The following MYO16 variants were observed in gnomAD, a reference collection of about 807,000 sequenced individuals.
The protein encoded by MYO16 is unconventional myosin-XVI.
In MYO16, 94 loss-of-function variants were observed where a neutral mutation model predicts 205.3. That is an observed-to-expected ratio of 0.46 (90% CI 0.39 to 0.54). MYO16 has a LOEUF of 0.54. Among genes scored for constraint, MYO16 ranks in the 20% least tolerant of loss-of-function variants. MYO16 has a pLI of 0.00. For synonymous variants in MYO16, 988 were observed against 954.0 expected, an observed-to-expected ratio of 1.04 and a Z score of -0.66; for missense variants, 2,315 against 2,387.5, an observed-to-expected ratio of 0.97 and a Z score of 0.63.
At chr13:108,944,637 A>G (rs1204086704) in intron 16 of MYO16, among the ~76,000 whole-genome samples, 1 of 152,192 alleles carries the variant, frequency 6.6e-6, no homozygotes, top group Non-Finnish European at 1.5e-5. Context: ...AATTGGGTGG[A>G]AAGATAGTAT....
At chr13:108,522,451 C>T in the MYO16 span, among the ~76,000 whole-genome samples, 1 of 152,132 alleles carries the variant, frequency 6.6e-6, no homozygotes, top group African/African-American at 2.4e-5. Flanking sequence ...TCTCACTTTT[C>T]ATGAGTGTAT....
upstream of MYO16, among the ~76,000 whole-genome samples, chr13:108,594,041 G>A (rs1878472406): frequency 6.6e-6 from 1 of 152,136 alleles, no homozygotes; most frequent in African/African-American, 2.4e-5. Flanking sequence ...TATGAACACA[G>A]ACAAACGTGA....
intron 1 of MYO16, among the ~76,000 whole-genome samples, chr13:108,622,596 G>C (rs28408320): frequency 0.029 from 4,376 of 150,750 alleles, 169 homozygotes; most frequent in African/African-American, 0.087. Context: ...GGAGTGTGAA[G>C]TATGGAGAGA....
At chr13:109,154,752 T>C (rs751063034) in intron 32 of MYO16, among the ~76,000 whole-genome samples, 8 of 151,904 alleles carry the variant, frequency 5.3e-5, no homozygotes, top group Non-Finnish European at 8.8e-5. Flanking sequence ...CCACACATCG[T>C]GGCTCAGGAC....
upstream of MYO16, among the ~76,000 whole-genome samples, chr13:108,626,755 A>G (rs1879752269): frequency 6.6e-6 from 1 of 151,856 alleles, no homozygotes; most frequent in Non-Finnish European, 1.5e-5. Flanking sequence ...CAGTGAGCCA[A>G]GATCGCGCCA....
chr13:108,900,716 C>T lies in MYO16; in HGVS notation c.1777+2583C>T, dbSNP rs9555529. The stretch of plus-strand genomic sequence containing the variant: ...CCCTGTGATGGTTGCGTTAACTGTA[C>T]GAATTGTTTGTAGAGCATGTGTGTT... On this transcript the variant is annotated intron_variant, in intron 15 of 34. Transcript: ENST00000457511. 2.6e-5 allele frequency among the ~76,000 whole-genome samples: 4 copies of T among 151,948 alleles called. 1 individual carries two copies. In the South Asian group the frequency reaches 6.2e-4, roughly 24 times the overall value.
rs1881710017 is a variant in MYO16, at chr13:108,666,017, T to C, written c.160T>C (p.Tyr54His). 1 of 1,614,096 alleles carries C rather than the reference T, an allele frequency of 6.2e-7. No homozygotes were observed. Among genetic ancestry groups the C allele is most frequent in the Non-Finnish European group, 8.5e-7 (1 of 1,179,984 alleles). The change falls in exon 2 of 35, where the codon TAT (tyrosine) becomes CAT (histidine). Residue 54 changes from tyrosine to histidine, a missense_variant. Tyr to His is a moderately conservative substitution (Grantham distance 83, BLOSUM62 2). Around this residue, in one of 3 missense-constraint regions of MYO16, gnomAD observed 1,213 missense variants for 1,274.4 expected, o/e 0.95. Coordinates refer to ENST00000457511, the MANE Select transcript of MYO16 (RefSeq NM_001198950.3). ...GCGCTGTGAGCAAATCAAAGCCTAC[T>C]ATGAGCGCGAGAAGGCTTTTCAGAA... ...RMRCEQIKAY[Y>H]EREKAFQKQE...
rs559203893 is a variant in MYO16 at position 108,869,474 on chromosome 13, C to T, written c.1425+3232C>T. Reference sequence around the variant, plus strand: ...GCGCGGTGGCTCACTCCTGTAATCCCAGCACTTTGGGAGGCCGAGGCGGGC... The same window carrying T: ...GCGCGGTGGCTCACTCCTGTAATCCTAGCACTTTGGGAGGCCGAGGCGGGC... On this transcript the variant is annotated intron_variant, in intron 12 of 34. Coordinates refer to ENST00000457511, the MANE Select transcript of MYO16 (RefSeq NM_001198950.3). Among the ~76,000 whole-genome samples the T allele has an allele frequency of 7.9e-5, 12 of 151,714 alleles. 1 individual carries two copies. Among genetic ancestry groups the T allele is most frequent in the African/African-American group, 2.7e-4 (11 of 41,334 alleles).
chr13:108,756,812 A>G (rs1885436498), intron 4 of MYO16, among the ~76,000 whole-genome samples: 1 of 152,308 alleles, frequency 6.6e-6, no homozygotes, highest in Admixed American at 6.5e-5. Context: ...ATGTTTTACC[A>G]ACTCTCTTGG....
In MYO16 at chr13:108,636,665, A is replaced by G. The variant is rs531713965; in HGVS notation, c.28+6793A>G. Reference sequence around the variant, plus strand: ...AGTGCTGGGATTACAGGCGTGAGCCACTGTGCCTGGCCCCAAGTTGTTTTT... The same window carrying G: ...AGTGCTGGGATTACAGGCGTGAGCCGCTGTGCCTGGCCCCAAGTTGTTTTT... On this transcript the variant is annotated intron_variant, in intron 1 of 34. Transcript: ENST00000457511. 5.3e-5 allele frequency among the ~76,000 whole-genome samples: 8 copies of G among 152,284 alleles called. No homozygotes were observed. In the East Asian group the frequency reaches 1.5e-3, roughly 29 times the overall value.
At chr13:108,823,759 G>T (rs1390826146) in intron 9 of MYO16, among the ~76,000 whole-genome samples, 1 of 151,464 alleles carries the variant, frequency 6.6e-6, no homozygotes, top group Non-Finnish European at 1.5e-5. Flanking sequence ...GGGACACAAA[G>T]TGTGATTAAT....
the MYO16 span, among the ~76,000 whole-genome samples, chr13:108,575,827 A>G: frequency 4.6e-5 from 7 of 152,134 alleles, no homozygotes; most frequent in Non-Finnish European, 1.0e-4. Context: ...TGGCAAGGCT[A>G]ATAATACCTT....
intron 2 of MYO16, among the ~76,000 whole-genome samples, chr13:108,696,652 T>C (rs1017282197): frequency 3.3e-5 from 5 of 152,206 alleles, no homozygotes; most frequent in African/African-American, 1.2e-4. Flanking sequence ...TATCTTGAGC[T>C]GAATGATAGT....
chr13:109,129,338 C>A (rs1311133282), intron 31 of MYO16, among the ~76,000 whole-genome samples: 1 of 151,970 alleles, frequency 6.6e-6, no homozygotes, highest in East Asian at 1.9e-4. Flanking sequence ...ATAAGGACAA[C>A]AAGAAAATCT....
chr13:108,536,875 T>C, the MYO16 span, among the ~76,000 whole-genome samples: 2 of 152,176 alleles, frequency 1.3e-5, no homozygotes, highest in African/African-American at 2.4e-5. Context: ...CGGAACAGGA[T>C]ACCAAATAAA....
At chr13:109,156,844 C>G (rs1170435723) in intron 32 of MYO16, among the ~76,000 whole-genome samples, 2 of 152,216 alleles carry the variant, frequency 1.3e-5, no homozygotes, top group Non-Finnish European at 2.9e-5. Flanking sequence ...CTCCTGCTAC[C>G]TCCTCACACT....
intron 4 of MYO16, among the ~76,000 whole-genome samples, chr13:108,732,619 T>A (rs1337132149): frequency 2.0e-5 from 3 of 152,042 alleles, no homozygotes; most frequent in Non-Finnish European, 4.4e-5. Context: ...CATGGTGAGG[T>A]CAAGCCTTTG....
In MYO16 at chr13:109,127,676, C is replaced by CAAGCCAACAA; in HGVS notation, c.4051+126_4051+127insAAGCCAACAA. 5 of 949,158 alleles carry CAAGCCAACAA rather than the reference C, an allele frequency of 5.3e-6. No homozygotes were observed. Among genetic ancestry groups the CAAGCCAACAA allele is most frequent in the Non-Finnish European group, 7.6e-6 (5 of 654,794 alleles). The allele number at this position is 949,158 out of a possible 1,614,324, so 58.8% of individuals were successfully genotyped here. On this transcript the variant is annotated intron_variant, in intron 31 of 34. Coordinates refer to ENST00000457511, the MANE Select transcript of MYO16 (RefSeq NM_001198950.3). This position sits in a 1 kb window ranked among gnomAD's most constrained non-coding sequence, Gnocchi z 4.2. The stretch of plus-strand genomic sequence containing the variant: ...TAATAGAAATAAATCCAATTGTTGG[C>CAAGCCAACAA]TTGCCAGCAGCTCTTAATCATTAAA...
At chr13:108,729,116 G>C (rs1416497022) in intron 4 of MYO16, among the ~76,000 whole-genome samples, 1 of 151,560 alleles carries the variant, frequency 6.6e-6, no homozygotes, top group African/African-American at 2.4e-5. Flanking sequence ...ATTTTTAGAG[G>C]GCTAGTACTG....
Sources: gnomAD v4.1 joint callset for allele counts (sites outside exome capture counted in the v4.1 genomes callset) on GRCh38, gnomAD v4.1.1 for gene constraint, gnomAD v4.1.1 regional missense constraint, Gnocchi (gnomAD v3.1) non-coding constraint, MANE v1.5 for transcripts, NCBI Gene and HGNC (gene_info 2026-07-23, HGNC 2026-07-21) for gene names.